GRIA1: variants seen among roughly 807,000 people sequenced by gnomAD.
GRIA1 encodes glutamate ionotropic receptor AMPA type subunit 1, also known as glutamate receptor 1.
Under a neutral mutation model 99.2 loss-of-function variants are expected in GRIA1, and 31 were observed. The ratio of observed to expected loss-of-function variants is 0.31; its 90% confidence interval spans 0.23 to 0.42. GRIA1 has a LOEUF of 0.42. Among genes scored for constraint, GRIA1 ranks in the 10% least tolerant of loss-of-function variants. The pLI is 1.00. For synonymous variants in GRIA1, 438 were observed against 432.4 expected, an observed-to-expected ratio of 1.01 and a Z score of -0.16; for missense variants, 782 against 1,157.5, an observed-to-expected ratio of 0.68 and a Z score of 4.71.
At chr5:153,556,200 G>A (rs893136527) in intron 2 of GRIA1, among the ~76,000 whole-genome samples, 1 of 152,106 alleles carries the variant, frequency 6.6e-6, no homozygotes, top group African/African-American at 2.4e-5. Flanking sequence ...TGAACTACAC[G>A]GTGTTTCTGG....
chr5:153,583,003 G>T (rs1335737106), intron 2 of GRIA1, among the ~76,000 whole-genome samples: 9 of 151,958 alleles, frequency 5.9e-5, no homozygotes, highest in African/African-American at 2.2e-4. Flanking sequence ...TCATCATGTT[G>T]CCCAGCCTCA....
At chr5:153,579,226 G>C (rs369167735) in intron 2 of GRIA1, among the ~76,000 whole-genome samples, 17 of 152,198 alleles carry the variant, frequency 1.1e-4, no homozygotes, top group Admixed American at 7.9e-4. Context: ...AAGATAACTG[G>C]CCATAAAATG....
chr5:153,588,282 C>G (rs1443171874), intron 2 of GRIA1, among the ~76,000 whole-genome samples: 1 of 152,132 alleles, frequency 6.6e-6, no homozygotes, highest in Non-Finnish European at 1.5e-5. Flanking sequence ...TTTTGTGCAC[C>G]CTTTGCCAAA....
intron 13 of GRIA1, among the ~76,000 whole-genome samples, chr5:153,792,954 G>C (rs1451746765): frequency 6.6e-6 from 1 of 152,128 alleles, no homozygotes; most frequent in Non-Finnish European, 1.5e-5. Context: ...CTCCTTTTCA[G>C]ACAGCAAACC....
chr5:153,787,213 G>A (rs1765019011), intron 13 of GRIA1, among the ~76,000 whole-genome samples: 2 of 152,130 alleles, frequency 1.3e-5, no homozygotes, highest in South Asian at 4.2e-4. Context: ...ATGTGCACAA[G>A]TTCATCCTAG....
At chr5:153,667,933 G>A (rs1334084832) in intron 5 of GRIA1, among the ~76,000 whole-genome samples, 2 of 152,220 alleles carry the variant, frequency 1.3e-5, no homozygotes, top group Non-Finnish European at 2.9e-5. Flanking sequence ...GATAGATGGA[G>A]TGACTATATT....
chr5:153,635,328 C>A (rs1753270879), intron 2 of GRIA1, among the ~76,000 whole-genome samples: 1 of 152,196 alleles, frequency 6.6e-6, no homozygotes, highest in Non-Finnish European at 1.5e-5. Flanking sequence ...TATTTTGTGA[C>A]TATGGGGATT....
chr5:153,668,561 T>A (rs538987189), intron 5 of GRIA1, among the ~76,000 whole-genome samples: 4 of 152,232 alleles, frequency 2.6e-5, no homozygotes, highest in Non-Finnish European at 5.9e-5. Context: ...ATATGGCTAC[T>A]TTCATGCTGC....
intron 11 of GRIA1, among the ~76,000 whole-genome samples, chr5:153,715,815 C>G (rs1759628237): frequency 6.6e-6 from 1 of 152,140 alleles, no homozygotes; most frequent in Non-Finnish European, 1.5e-5. Context: ...TCTAAATACT[C>G]AACATATGTT....
chr5:153,798,201 T>C (rs967364454), intron 14 of GRIA1, among the ~76,000 whole-genome samples: 1 of 152,200 alleles, frequency 6.6e-6, no homozygotes. Flanking sequence ...TTGAACCAAA[T>C]CCACCTCCCC....
chr5:153,674,373 T>G lies in GRIA1; in HGVS notation c.700-127T>G, dbSNP rs1230488340. On this transcript the variant is annotated intron_variant, in intron 5 of 15. Coordinates refer to ENST00000285900, the MANE Select transcript of GRIA1 (RefSeq NM_000827.4). ...AATCAAGTTCAAAGGAAAGGAGGCC[T>G]AACTGTCTCTCCATTGAGTAGGTTT... 33 of 1,012,268 alleles carry G rather than the reference T, an allele frequency of 3.3e-5. 1 individual carries two copies. In the South Asian group the frequency reaches 4.8e-4, roughly 15 times the overall value. 62.7% of individuals were successfully genotyped at this position (1,012,268 alleles called of 1,614,324 possible). A position where few individuals can be genotyped will look rare whatever the true frequency, so the allele number is the denominator to read the frequency against.
At chr5:153,804,712 T>TATTA (rs763404194) in intron 15 of GRIA1, among the ~76,000 whole-genome samples, 2,315 of 103,586 alleles carry the variant, frequency 0.022, 29 homozygotes, top group African/African-American at 0.036. Flanking sequence ...CTCTGATCCT[T>TATTA]ATTAATTAAT....
intron 2 of GRIA1, among the ~76,000 whole-genome samples, chr5:153,580,092 T>G (rs754021549): frequency 3.3e-5 from 5 of 152,170 alleles, no homozygotes; most frequent in Non-Finnish European, 5.9e-5. Flanking sequence ...CTACTGATGC[T>G]TCAGCTCTCT....
rs1763788121 is a variant in GRIA1, at chr5:153,770,262, G to A, written c.2117G>A (p.Arg706Gln). 1.2e-6 allele frequency: 2 copies of A among 1,614,070 alleles called. No homozygotes were observed. The highest frequency in any genetic ancestry group is 1.1e-5 in the South Asian group (1 of 91,078). Residue 706 changes from arginine to glutamine, a missense_variant, in exon 13 of 16, where the codon CGA (arginine) becomes CAA (glutamine). Physicochemically the swap from Arg to Gln is conservative, Grantham distance 43. Coordinates refer to ENST00000285900, the MANE Select transcript of GRIA1 (RefSeq NM_000827.4). ...CGGACCACAGAGGAGGGGATGATTC[G>A]AGTGAGGAAATCCAAAGGCAAATAT... is the stretch of plus-strand genomic sequence containing the variant. The part of the protein sequence containing the change: ...FVRTTEEGMI[R>Q]VRKSKGKYAY...
intron 13 of GRIA1, among the ~76,000 whole-genome samples, chr5:153,778,979 CA>C (rs1163294768): frequency 1.3e-5 from 2 of 152,038 alleles, no homozygotes; most frequent in African/African-American, 2.4e-5. Flanking sequence ...CAGATTGAAC[CA>C]AAAACATCCC....
intron 7 of GRIA1, among the ~76,000 whole-genome samples, chr5:153,682,935 C>A (rs1757081752): frequency 6.6e-6 from 1 of 152,232 alleles, no homozygotes; most frequent in African/African-American, 2.4e-5. Context: ...CCATCAGCAG[C>A]AGACTCTGAG....
chr5:153,628,353 C>T (rs1264772265), intron 2 of GRIA1, among the ~76,000 whole-genome samples: 2 of 152,238 alleles, frequency 1.3e-5, no homozygotes, highest in African/African-American at 2.4e-5. Context: ...GAAGTTCAGA[C>T]TGACCTGGCT....
At chr5:153,591,993 G>A (rs143252308) in intron 2 of GRIA1, among the ~76,000 whole-genome samples, 2 of 152,044 alleles carry the variant, frequency 1.3e-5, no homozygotes, top group Admixed American at 6.5e-5. Flanking sequence ...GCAAATGACT[G>A]ATTTCAAAAG....
chr5:153,590,084 A>C (rs1763823312), intron 2 of GRIA1, among the ~76,000 whole-genome samples: 1 of 152,192 alleles, frequency 6.6e-6, no homozygotes, highest in South Asian at 2.1e-4. Context: ...TTATAGTTTT[A>C]AGATAGCTAT....
Sources: allele counts gnomAD v4.1 joint callset (sites outside exome capture counted in the v4.1 genomes callset), GRCh38; gene constraint gnomAD v4.1.1; transcripts MANE v1.5; gene names NCBI Gene and HGNC (gene_info 2026-07-23, HGNC 2026-07-21).